Variants in HEATR4 observed in about 807,000 individuals in gnomAD.
HEATR4 encodes HEAT repeat-containing protein 4.
Under a neutral mutation model 108.8 loss-of-function variants are expected in HEATR4, and 95 were observed. The observed-to-expected ratio is 0.87, with a 90% CI of 0.74 to 1.04. The LOEUF (loss-of-function observed/expected upper bound fraction) is 1.04. Ranked by LOEUF, HEATR4 falls within the 50% of genes least tolerant of loss-of-function variation. The pLI is 0.00. For synonymous variants in HEATR4, 443 were observed against 459.4 expected, an observed-to-expected ratio of 0.96 and a Z score of 0.46; for missense variants, 1,152 against 1,253.8, an observed-to-expected ratio of 0.92 and a Z score of 1.23.
In HEATR4 at chr14:73,509,485, AG is replaced by A. The variant is rs1887067007; in HGVS notation, c.1559-13del. 1 of 1,613,224 alleles carries A rather than the reference AG, an allele frequency of 6.2e-7. No individual in the cohort carries two copies. The highest frequency in any genetic ancestry group is 1.7e-5 in the Admixed American group (1 of 59,988). ...CTGGATGGTCTTGTCTGTGATCAAA[AG>A]AGCCAGGTAAGAGAGTACTAGCCCC... On this transcript the variant is annotated splice_polypyrimidine_tract_variant and intron_variant, in intron 7 of 17. Coordinates refer to ENST00000553558, the MANE Select transcript of HEATR4 (RefSeq NM_001220484.1).
At chr14:73,499,257 G>C in intron 12 of HEATR4, 117 bp from the exon 13 acceptor site, 6 of 838,482 alleles carry the variant, frequency 7.2e-6, no homozygotes, top group Non-Finnish European at 1.2e-5. Flanking sequence ...AAGGTGGGCG[G>C]ATCACTTGAC....
intron 1 of HEATR4, among the ~76,000 whole-genome samples, chr14:73,534,156 A>G (rs1888792259): frequency 8.9e-6 from 1 of 112,868 alleles, no homozygotes; most frequent in Non-Finnish European, 1.9e-5. Flanking sequence ...TGAAGCAGGC[A>G]GATTACAAGG....
intron 17 of HEATR4, chr14:73,491,911 CCT>C: frequency 4.3e-6 from 7 of 1,612,998 alleles, no homozygotes; most frequent in Non-Finnish European, 5.9e-6. Context: ...CCCTGCGTCT[CCT>C]CTGTCCGCAG....
chr14:73,610,558 T>C, the HEATR4 span, among the ~76,000 whole-genome samples: 1 of 152,174 alleles, frequency 6.6e-6, no homozygotes, highest in Non-Finnish European at 1.5e-5. Flanking sequence ...CCCAAAGTGC[T>C]GGGATTACAG....
At chr14:73,601,859 A>G in the HEATR4 span, among the ~76,000 whole-genome samples, 1 of 152,204 alleles carries the variant, frequency 6.6e-6, no homozygotes, top group Non-Finnish European at 1.5e-5. Flanking sequence ...TTTAAATAGT[A>G]ATAGTTAAAA....
At chr14:73,616,149 TG>T in the HEATR4 span, among the ~76,000 whole-genome samples, 2 of 152,036 alleles carry the variant, frequency 1.3e-5, no homozygotes, top group Admixed American at 6.6e-5. Flanking sequence ...TAAACTTTTT[TG>T]TAGAGATGGG....
the HEATR4 span, chr14:73,569,684 C>T: frequency 1.9e-6 from 3 of 1,609,412 alleles, no homozygotes; most frequent in Non-Finnish European, 2.5e-6. Context: ...CCTTGGAGCC[C>T]GAGAAACCTT....
the HEATR4 span, chr14:73,619,085 G>C: frequency 1.0e-6 from 1 of 976,890 alleles, no homozygotes; most frequent in Non-Finnish European, 1.4e-6. Context: ...AGCCAAGATT[G>C]CACCACTGCA....
chr14:73,566,096 G>C, the HEATR4 span, among the ~76,000 whole-genome samples: 1 of 152,070 alleles, frequency 6.6e-6, no homozygotes, highest in Admixed American at 6.6e-5. Context: ...AGAGTAGCTA[G>C]ATACAGAGTG....
At chr14:73,620,321 C>T in the HEATR4 span, among the ~76,000 whole-genome samples, 1 of 152,180 alleles carries the variant, frequency 6.6e-6, no homozygotes, top group African/African-American at 2.4e-5. Flanking sequence ...ACCTGCCTTC[C>T]GTCACTGCTA....
At chr14:73,482,421 C>G (rs1885294384) in intron 17 of HEATR4, among the ~76,000 whole-genome samples, 1 of 152,098 alleles carries the variant, frequency 6.6e-6, no homozygotes, top group Non-Finnish European at 1.5e-5. Context: ...ACTCAGGAGG[C>G]TGAGGCAGGA....
chr14:73,592,352 G>T, the HEATR4 span: 4 of 1,591,426 alleles, frequency 2.5e-6, no homozygotes, highest in East Asian at 2.3e-5. Context: ...ACTTCCTCCC[G>T]CCAGGGGTGC....
At chr14:73,608,125 A>G in the HEATR4 span, among the ~76,000 whole-genome samples, 14 of 151,446 alleles carry the variant, frequency 9.2e-5, no homozygotes, top group African/African-American at 3.4e-4. Flanking sequence ...GGGTTTCACC[A>G]TCTTGGCCAG....
At chr14:73,593,871 A>G in the HEATR4 span, 1 of 1,613,874 alleles carries the variant, frequency 6.2e-7, no homozygotes, top group East Asian at 2.2e-5. Context: ...AGTACTTCGA[A>G]GAAGCCGTAT....
At chr14:73,607,778 C>T in the HEATR4 span, among the ~76,000 whole-genome samples, 25 of 147,646 alleles carry the variant, frequency 1.7e-4, no homozygotes, top group African/African-American at 6.1e-4. Context: ...CATGCACCAC[C>T]ACGCCTGGCT....
the HEATR4 span, chr14:73,569,094 T>C: frequency 4.2e-6 from 4 of 941,688 alleles, no homozygotes; most frequent in East Asian, 9.9e-5. Context: ...CAACATAAAG[T>C]GGAGGTTTCA....
the HEATR4 span, among the ~76,000 whole-genome samples, chr14:73,627,464 G>A: frequency 8.5e-5 from 13 of 152,238 alleles, no homozygotes; most frequent in South Asian, 2.5e-3. Flanking sequence ...TTCACGTTGG[G>A]GTTCCAATGA....
the HEATR4 span, among the ~76,000 whole-genome samples, chr14:73,577,804 A>T: frequency 6.6e-6 from 1 of 151,942 alleles, no homozygotes; most frequent in Admixed American, 6.6e-5. Flanking sequence ...GCTTGAGCCC[A>T]GGAGTTCAAG....
At chr14:73,621,721 T>C in the HEATR4 span, among the ~76,000 whole-genome samples, 1 of 151,996 alleles carries the variant, frequency 6.6e-6, no homozygotes, top group Non-Finnish European at 1.5e-5. Context: ...GTGTTGAGTA[T>C]AGTCATTCAC....
Sources: gnomAD v4.1 joint callset for allele counts (sites outside exome capture counted in the v4.1 genomes callset) on GRCh38, gnomAD v4.1.1 for gene constraint, MANE v1.5 for transcripts, NCBI Gene and HGNC (gene_info 2026-07-23, HGNC 2026-07-21) for gene names.